NBPF3: variants seen among roughly 807,000 people sequenced by gnomAD.
NBPF3 encodes NBPF family member NBPF3.
In NBPF3, 57 loss-of-function variants were observed where a neutral mutation model predicts 78.1. The observed-to-expected ratio is 0.73, with a 90% CI of 0.59 to 0.91. The LOEUF (loss-of-function observed/expected upper bound fraction) is 0.91, where lower values mean the gene tolerates loss of function less well. NBPF3 is among the 40% of genes least tolerant of loss of function. The pLI is 0.00. For missense variants in NBPF3, 510 were observed against 715.3 expected, an observed-to-expected ratio of 0.71 and a Z score of 3.27; for synonymous variants, 182 against 271.7, an observed-to-expected ratio of 0.67 and a Z score of 3.25.
intron 1 of NBPF3, among the ~76,000 whole-genome samples, chr1:21,442,685 A>G (rs1640727640): frequency 1.3e-5 from 2 of 150,046 alleles, no homozygotes; most frequent in Non-Finnish European, 3.0e-5. Flanking sequence ...TTTTTTTCAG[A>G]CAGGGCCTCA....
Position 21,469,978 on chromosome 1 carries a change from C to T in NBPF3, c.344-654C>T, listed in dbSNP as rs1401839147. Reference sequence around the variant, plus strand: ...AAATTGCTGCAATGAGTTACATGAGCTGTTTCTTGTCAATCTCCTAGAACT... The same window carrying T: ...AAATTGCTGCAATGAGTTACATGAGTTGTTTCTTGTCAATCTCCTAGAACT... On this transcript the variant is annotated intron_variant, in intron 3 of 14. Coordinates refer to ENST00000318249, the MANE Select transcript of NBPF3 (RefSeq NM_032264.6). 2.0e-5 allele frequency among the ~76,000 whole-genome samples: 3 copies of T among 151,744 alleles called. No homozygotes were observed. The East Asian group carries it at 5.8e-4, about 30-fold the overall frequency.
rs1224734530 is a variant in NBPF3 at position 21,468,686 on chromosome 1, A to G, written c.134-2A>G. 6.2e-7 allele frequency: 1 copy of G among 1,613,042 alleles called. No homozygotes were observed. Among genetic ancestry groups the G allele is most frequent in the Non-Finnish European group, 8.5e-7 (1 of 1,179,212 alleles). ...TCGTGTGTTTGGGTGTCTTCTCCCC[A>G]GTCCCTGGCCCCACCTCTTCTGCCA... is the stretch of plus-strand genomic sequence containing the variant. On this transcript the variant is annotated splice_acceptor_variant, in intron 2 of 14. Coordinates refer to ENST00000318249, the MANE Select transcript of NBPF3 (RefSeq NM_032264.6). LOFTEE classifies it high-confidence loss of function.
intron 6 of NBPF3, 112 bp downstream of exon 6, chr1:21,473,027 A>G: frequency 1.2e-6 from 1 of 849,692 alleles, no homozygotes; most frequent in South Asian, 1.5e-5. Flanking sequence ...TCCCTTGGCC[A>G]CAGTATGAGA....
intron 2 of NBPF3, among the ~76,000 whole-genome samples, chr1:21,459,493 G>A (rs2147946138): frequency 6.6e-6 from 1 of 152,244 alleles, no homozygotes; most frequent in East Asian, 1.9e-4. Flanking sequence ...GGAGGGCTAT[G>A]GGTAGAGGAA....
chr1:21,442,715 G>A (rs1015738609), intron 1 of NBPF3, among the ~76,000 whole-genome samples: 2 of 151,542 alleles, frequency 1.3e-5, no homozygotes, highest in African/African-American at 4.9e-5. Context: ...CCAGGCTAGA[G>A]TGTGGTGGCA....
chr1:21,473,396 G>T lies in NBPF3; in HGVS notation c.751G>T (p.Glu251Ter), dbSNP rs768213737. 6.2e-7 allele frequency: 1 copy of T among 1,614,118 alleles called. No homozygotes were observed. Among genetic ancestry groups the T allele is most frequent in the East Asian group, 2.2e-5 (1 of 44,884 alleles). Residue 251 changes from glutamate to a stop codon, truncating the protein, a stop_gained, in exon 7 of 15, where the codon GAA becomes TAA. Coordinates refer to ENST00000318249, the MANE Select transcript of NBPF3 (RefSeq NM_032264.6). LOFTEE classifies it high-confidence loss of function. ...GCTCATCAGGGAGGTGCAGAAGGCT[G>T]AAGAAAAGGAAGTCCCTGAGGACTC... is the stretch of plus-strand genomic sequence containing the variant. ...LYAPREVQKA[E>*]EKEVPEDSLE...
Position 21,478,127 on chromosome 1 carries a change from C to T in NBPF3, c.993-17C>T, listed in dbSNP as rs182761944. 0.014 allele frequency: 22,590 copies of T among 1,613,490 alleles called. 204 individuals carry two copies. The highest frequency in any genetic ancestry group is 0.016 in the Non-Finnish European group (18,888 of 1,179,830). On this transcript the variant is annotated splice_polypyrimidine_tract_variant and intron_variant, in intron 8 of 14. Transcript: ENST00000318249. ...TGGTTATATCTTCTGTCATCCCTGTCCTGCCTGGCTCATCAGGAATCTGCA... is the reference window on the plus strand; with the variant it reads ...TGGTTATATCTTCTGTCATCCCTGTTCTGCCTGGCTCATCAGGAATCTGCA...
At position 21,484,076 on chromosome 1, in the gene NBPF3, G is replaced by T. The variant is rs2148031041; in HGVS notation, c.*690G>T. 8.3e-6 allele frequency: 1 copy of T among 120,662 alleles called. No individual in the cohort carries two copies. Among genetic ancestry groups the T allele is most frequent in the South Asian group, 3.9e-4 (1 of 2,582 alleles). 7.5% of individuals were successfully genotyped at this position (120,662 alleles called of 1,614,324 possible). ...AGGAGCCGCTGGCAAGAGACAGCATGTCACCTGGGACTCTGCCAGTGCAGA... is the reference window on the plus strand; with the variant it reads ...AGGAGCCGCTGGCAAGAGACAGCATTTCACCTGGGACTCTGCCAGTGCAGA... On this transcript the variant is annotated 3_prime_UTR_variant, in exon 15 of 15. Transcript: ENST00000318249.
At chr1:21,481,187 G>A (rs2148021580) in intron 12 of NBPF3, among the ~76,000 whole-genome samples, 1 of 150,206 alleles carries the variant, frequency 6.7e-6, no homozygotes, top group East Asian at 1.9e-4. Flanking sequence ...ACCTACTGTA[G>A]GTCGACCATA....
intron 10 of NBPF3, among the ~76,000 whole-genome samples, chr1:21,479,812 C>CTGTG (rs1273329681): frequency 8.7e-4 from 27 of 31,118 alleles, no homozygotes; most frequent in African/African-American, 1.6e-3. Context: ...CTCTCTCTCT[C>CTGTG]TCTCTCTCTG....
At chr1:21,474,792 T>A (rs1454978897) in intron 7 of NBPF3, 108 bp from the exon 8 acceptor site, 6 of 1,037,774 alleles carry the variant, frequency 5.8e-6, no homozygotes, top group Non-Finnish European at 8.8e-6. Context: ...GAATCCATAT[T>A]CTTGCACTGA....
intron 2 of NBPF3, chr1:21,459,768 A>G (rs528179613): frequency 1.9e-5 from 6 of 322,238 alleles, no homozygotes; most frequent in East Asian, 1.8e-4. Flanking sequence ...TGTCTTGGCA[A>G]TCATGGTGAC....
chr1:21,464,817 G>C (rs1283130425), intron 2 of NBPF3, among the ~76,000 whole-genome samples: 1 of 151,990 alleles, frequency 6.6e-6, no homozygotes, highest in Non-Finnish European at 1.5e-5. Flanking sequence ...AAACCAGCCT[G>C]AGCAACATAG....
At chr1:21,479,848 G>GTGTGTGTGTGTGTGTGTGTGTGTGTGTA (rs746655034) in intron 10 of NBPF3, among the ~76,000 whole-genome samples, 52 of 121,794 alleles carry the variant, frequency 4.3e-4, no homozygotes, top group African/African-American at 5.4e-4. Flanking sequence ...GTGTGTGTGT[G>GTGTGTGTGTGTGTGTGTGTGTGTGTGTA]TGTGTATGTG....
chr1:21,472,932 G>T lies in NBPF3; in HGVS notation c.734+17G>T, dbSNP rs771783830. ...TGCCCCCAGGTAACGCTGAATAATCGGGAGCAAGTAATGGGTGGTAACATA... is the reference window on the plus strand; with the variant it reads ...TGCCCCCAGGTAACGCTGAATAATCTGGAGCAAGTAATGGGTGGTAACATA... On this transcript the variant is annotated intron_variant, in intron 6 of 14. Coordinates refer to ENST00000318249, the MANE Select transcript of NBPF3 (RefSeq NM_032264.6). 3 of 1,586,986 alleles carry T rather than the reference G, an allele frequency of 1.9e-6. No individual in the cohort carries two copies. The highest frequency in any genetic ancestry group is 1.3e-5 in the African/African-American group (1 of 74,246).
intron 2 of NBPF3, chr1:21,459,865 C>A (rs1311348699): frequency 4.1e-6 from 1 of 244,702 alleles, no homozygotes; most frequent in Non-Finnish European, 8.7e-6. Flanking sequence ...GAGTCCAGGA[C>A]CACAGTACAT....
At chr1:21,474,083 T>C (rs551201739) in intron 7 of NBPF3, among the ~76,000 whole-genome samples, 60 of 152,334 alleles carry the variant, frequency 3.9e-4, no homozygotes, top group Admixed American at 2.0e-3. Flanking sequence ...TTTTTTACTT[T>C]GCTGATATAG....
intron 3 of NBPF3, among the ~76,000 whole-genome samples, chr1:21,469,328 C>G (rs1642459082): frequency 6.6e-6 from 1 of 152,128 alleles, no homozygotes; most frequent in African/African-American, 2.4e-5. Flanking sequence ...GTTCTGGGGA[C>G]CCTGAGGAAA....
chr1:21,440,198 C>T lies in NBPF3; in HGVS notation c.-290C>T, dbSNP rs1452085274. On this transcript the variant is annotated 5_prime_UTR_variant, in exon 1 of 15. Transcript: ENST00000318249. The stretch of plus-strand genomic sequence containing the variant: ...GGTACTGGGATGGGTAGGTGAGGAT[C>T]CCGAGACTGAGTGAGCTTCTGCGCG... 6.6e-6 allele frequency: 1 copy of T among 152,268 alleles called. No homozygotes were observed. Among genetic ancestry groups the T allele is most frequent in the African/African-American group, 2.4e-5 (1 of 41,458 alleles). The allele number at this position is 152,268 out of a possible 1,614,324, so 9.4% of individuals were successfully genotyped here.
Sources: gnomAD v4.1 joint callset for allele counts (sites outside exome capture counted in the v4.1 genomes callset) on GRCh38, gnomAD v4.1.1 for gene constraint, MANE v1.5 for transcripts, NCBI Gene and HGNC (gene_info 2026-07-23, HGNC 2026-07-21) for gene names.